The following IL34 variants were observed in gnomAD, a reference collection of about 807,000 sequenced individuals.
The protein encoded by IL34 is interleukin-34.
Under a neutral mutation model 25.3 loss-of-function variants are expected in IL34, and 17 were observed. The observed-to-expected ratio is 0.67, with a 90% CI of 0.46 to 1.01. IL34 has a LOEUF of 1.01. Ranked by LOEUF, IL34 falls within the 50% of genes least tolerant of loss-of-function variation. The pLI, the probability that IL34 is intolerant of heterozygous loss-of-function variation, is 0.00. For synonymous variants in IL34, 174 were observed against 140.9 expected (o/e 1.23, Z -1.66); for missense variants, 368 against 312.9 (o/e 1.18, Z -1.33).
intron 1 of IL34, among the ~76,000 whole-genome samples, chr16:70,619,559 G>A (rs1468387187): frequency 1.3e-5 from 2 of 152,104 alleles, no homozygotes; most frequent in Non-Finnish European, 2.9e-5. Flanking sequence ...ACCCACAACA[G>A]TTATGGAGGC....
intron 1 of IL34, among the ~76,000 whole-genome samples, chr16:70,580,533 TC>T (rs1294026998): frequency 1.3e-5 from 2 of 152,210 alleles, no homozygotes; most frequent in Non-Finnish European, 2.9e-5. Flanking sequence ...TAATCTGTAA[TC>T]CCAGCACTCT....
At chr16:70,582,470 C>T (rs529137023) in intron 1 of IL34, among the ~76,000 whole-genome samples, 2 of 152,368 alleles carry the variant, frequency 1.3e-5, no homozygotes, top group African/African-American at 4.8e-5. Flanking sequence ...GGCTGGATTC[C>T]GGTCCTGGCC....
chr16:70,604,419 G>T (rs375573193), intron 1 of IL34, among the ~76,000 whole-genome samples: 11 of 152,174 alleles, frequency 7.2e-5, no homozygotes, highest in Non-Finnish European at 1.3e-4. Context: ...GTAAAGTGAG[G>T]CCTGGAGTAA....
At chr16:70,604,703 CAGAA>C (rs2050972238) in intron 1 of IL34, among the ~76,000 whole-genome samples, 2 of 152,178 alleles carry the variant, frequency 1.3e-5, no homozygotes, top group African/African-American at 2.4e-5. Context: ...TGTCAGGAGA[CAGAA>C]AGGAGTTAGG....
At chr16:70,611,602 C>T (rs2051092043) in intron 1 of IL34, among the ~76,000 whole-genome samples, 1 of 150,384 alleles carries the variant, frequency 6.6e-6, no homozygotes, top group Non-Finnish European at 1.5e-5. Flanking sequence ...TAGCCTGGGG[C>T]AACATGGTAA....
rs1015960062 is a variant in IL34 at position 70,599,152 on chromosome 16, C to T, written c.-401+19103C>T. ...GTCTTCAAGCATCTTTCTGGAGAGC[C>T]GCACGTTGTCAGAGAGCCAAGGGGC... On this transcript the variant is annotated intron_variant, in intron 1 of 6. Transcript: ENST00000429149. 3.3e-5 allele frequency among the ~76,000 whole-genome samples: 5 copies of T among 152,264 alleles called. No homozygotes were observed. The East Asian group carries it at 5.8e-4, about 18-fold the overall frequency.
intron 1 of IL34, among the ~76,000 whole-genome samples, chr16:70,641,092 T>C (rs2051771107): frequency 6.6e-6 from 1 of 150,792 alleles, no homozygotes; most frequent in South Asian, 2.2e-4. Context: ...GCCAACATGG[T>C]GAAATCCTGT....
chr16:70,615,669 T>G lies in IL34; in HGVS notation c.-400-30879T>G, dbSNP rs1036175059. ...AGATATAGATATAGGTAGATGAAAG[T>G]GCCAGGCGCAGTGGCACGTGCCTGT... On this transcript the variant is annotated intron_variant, in intron 1 of 6. Transcript: ENST00000429149. Among the ~76,000 whole-genome samples, 7 of 151,792 alleles carry G rather than the reference T, an allele frequency of 4.6e-5. No individual in the cohort carries two copies. In the East Asian group the frequency reaches 1.4e-3, roughly 30 times the overall value.
intron 1 of IL34, among the ~76,000 whole-genome samples, chr16:70,623,950 T>C (rs1204945703): frequency 3.6e-5 from 5 of 140,084 alleles, no homozygotes; most frequent in Non-Finnish European, 6.4e-5. Flanking sequence ...GTAGCCTCCG[T>C]ATTGATTAAG....
intron 1 of IL34, among the ~76,000 whole-genome samples, chr16:70,653,775 C>A (rs754928164): frequency 2.6e-5 from 4 of 152,164 alleles, no homozygotes; most frequent in Non-Finnish European, 5.9e-5. Context: ...TGCTGGCCTA[C>A]TTCTGTTTTA....
chr16:70,634,811 C>A (rs1361733503), intron 1 of IL34, among the ~76,000 whole-genome samples: 1 of 152,164 alleles, frequency 6.6e-6, no homozygotes, highest in Non-Finnish European at 1.5e-5. Flanking sequence ...CCTGTTCTTG[C>A]ATTCAAATAG....
intron 1 of IL34, among the ~76,000 whole-genome samples, chr16:70,584,851 C>A (rs539932254): frequency 6.6e-6 from 1 of 152,178 alleles, no homozygotes; most frequent in South Asian, 2.1e-4. Flanking sequence ...CAGGCTCCTG[C>A]CACCACGCCC....
chr16:70,605,968 G>GTTT lies in IL34; in HGVS notation c.-401+25919_-401+25920insTTT, dbSNP rs1483071432. Among the ~76,000 whole-genome samples, 184 of 123,690 alleles carry GTTT rather than the reference G, an allele frequency of 1.5e-3. 1 individual carries two copies. Among genetic ancestry groups the GTTT allele is most frequent in the African/African-American group, 6.3e-3 (181 of 28,702 alleles). The allele number at this position is 123,690 out of a possible 152,430, so 81.1% of individuals were successfully genotyped here. ...ATTACAGGCGTGAGCCACCGCACCT[G>GTTT]GTTTTTTTTTTTTTTTTTTTTTTTA... On this transcript the variant is annotated intron_variant, in intron 1 of 6. Coordinates refer to the IL34 transcript ENST00000429149.
At chr16:70,654,707 G>A (rs775432757) in intron 2 of IL34, 36 bp downstream of exon 2, 23 of 1,567,950 alleles carry the variant, frequency 1.5e-5, no homozygotes, top group African/African-American at 1.1e-4. Flanking sequence ...CCCTGTCCCC[G>A]CGTCCCGGGG....
In IL34 at chr16:70,656,987, C is replaced by A. The variant is rs1194318044; in HGVS notation, c.268C>A (p.Leu90Met). 6.2e-7 allele frequency: 1 copy of A among 1,611,108 alleles called. No individual in the cohort carries two copies. The highest frequency in any genetic ancestry group is 8.5e-7 in the Non-Finnish European group (1 of 1,179,292). Residue 90 changes from leucine to methionine, a missense_variant, in exon 4 of 6, where the codon CTG (leucine) becomes ATG (methionine). Leu to Met is a conservative substitution (Grantham distance 15, BLOSUM62 2). Transcript: ENST00000288098. ...LQRAQVSERE[L>M]RYLWVLVSLS... ...GAGGGCCCAGGTGAGCGAGCGGGAG[C>A]TGCGGTATCTGTGGGTCTTGGTGAG... is the stretch of plus-strand genomic sequence containing the variant.
chr16:70,629,651 C>A (rs1293123505), intron 1 of IL34, among the ~76,000 whole-genome samples: 2 of 151,536 alleles, frequency 1.3e-5, no homozygotes, highest in Non-Finnish European at 2.9e-5. Context: ...AGAAAAATGT[C>A]TGTACATGTT....
chr16:70,580,814 C>A (rs1485055571), intron 1 of IL34, among the ~76,000 whole-genome samples: 2 of 151,292 alleles, frequency 1.3e-5, no homozygotes, highest in East Asian at 1.9e-4. Flanking sequence ...ATTTTAAGTT[C>A]TTTAAAGGAA....
intron 1 of IL34, among the ~76,000 whole-genome samples, chr16:70,604,952 CTG>C: frequency 6.6e-6 from 1 of 151,460 alleles, no homozygotes; most frequent in South Asian, 2.1e-4. Context: ...GTGTGCATGT[CTG>C]TGTGTGTCAG....
intron 1 of IL34, among the ~76,000 whole-genome samples, chr16:70,638,754 A>T (rs1227337231): frequency 6.6e-6 from 1 of 152,070 alleles, no homozygotes; most frequent in Non-Finnish European, 1.5e-5. Flanking sequence ...AATTAAAAAA[A>T]AATTATTTGT....
Sources: gnomAD v4.1 joint callset for allele counts (sites outside exome capture counted in the v4.1 genomes callset) on GRCh38, gnomAD v4.1.1 for gene constraint, MANE v1.5 for transcripts, NCBI Gene and HGNC (gene_info 2026-07-23, HGNC 2026-07-21) for gene names.